CALY: variants seen among roughly 807,000 people sequenced by gnomAD.
CALY encodes neuron-specific vesicular protein calcyon.
A neutral mutation model predicts 20.2 loss-of-function variants in CALY; 15 were observed. The observed-to-expected ratio is 0.74, with a 90% CI of 0.50 to 1.14. The LOEUF is 1.14. CALY is among the 50% of genes most tolerant of loss of function. The pLI, the probability that CALY is intolerant of heterozygous loss-of-function variation, is 0.00. For missense variants in CALY, 270 were observed against 304.4 expected (o/e 0.89, Z 0.84); for synonymous variants, 129 against 131.8 (o/e 0.98, Z 0.15).
intron 1 of CALY, among the ~76,000 whole-genome samples, chr10:133,334,525 C>CGGGGAAGGCTCTGAGG (rs1477362361): frequency 2.5e-5 from 1 of 40,420 alleles, no homozygotes; most frequent in African/African-American, 1.1e-4. Flanking sequence ...AGGATCTGAG[C>CGGGGAAGGCTCTGAGG]GGGGAAGGCT....
At chr10:133,328,088 A>G in intron 2 of CALY, 73 bp from the exon 3 acceptor site, 3 of 907,114 alleles carry the variant, frequency 3.3e-6, no homozygotes, top group Non-Finnish European at 3.5e-6. Context: ...CTGAGAGGGG[A>G]GGGAGCCAGC....
chr10:133,327,897 G>A lies in CALY; in HGVS notation c.246+8C>T. 2 of 1,586,062 alleles carry A rather than the reference G, an allele frequency of 1.3e-6. No individual in the cohort carries two copies. The highest frequency in any genetic ancestry group is 8.7e-7 in the Non-Finnish European group (1 of 1,156,044). ...AGTCCCCACAGTGGGTGGGGTGGGT[G>A]TGGTTACCCTGCGCCCTTCCTCTGG... is the stretch of plus-strand genomic sequence containing the variant. On this transcript the variant is annotated splice_region_variant and intron_variant, in intron 3 of 5. Transcript: ENST00000252939.
intron 4 of CALY, 72 bp from the exon 5 acceptor site, chr10:133,326,192 T>C: frequency 1.3e-6 from 2 of 1,559,382 alleles, no homozygotes; most frequent in Non-Finnish European, 1.7e-6. Flanking sequence ...GCCCTCCCGC[T>C]TCTGCGGTTG....
At chr10:133,336,510 A>C (rs1047742356) in intron 1 of CALY, among the ~76,000 whole-genome samples, 4 of 151,552 alleles carry the variant, frequency 2.6e-5, no homozygotes, top group Non-Finnish European at 4.4e-5. Flanking sequence ...GACACCCTTA[A>C]CTCCAGGCTG....
chr10:133,326,198 G>A, intron 4 of CALY, 78 bp from the exon 5 acceptor site: 3 of 1,556,906 alleles, frequency 1.9e-6, no homozygotes, highest in Non-Finnish European at 2.6e-6. Flanking sequence ...CCGCTTCTGC[G>A]GTTGGGGACA....
intron 1 of CALY, among the ~76,000 whole-genome samples, chr10:133,332,131 A>G (rs1289674331): frequency 4.7e-3 from 2 of 424 alleles, no homozygotes; most frequent in South Asian, 0.17. Flanking sequence ...CCGTCTGGGA[A>G]AAAAAAAAAA....
At position 133,326,137 on chromosome 10, in the gene CALY, G is replaced by C; in HGVS notation, c.361-17C>G. 6.3e-7 allele frequency: 1 copy of C among 1,593,720 alleles called. No individual in the cohort carries two copies. The highest frequency in any genetic ancestry group is 8.6e-7 in the Non-Finnish European group (1 of 1,167,898). On this transcript the variant is annotated splice_polypyrimidine_tract_variant and intron_variant, in intron 4 of 5. Coordinates refer to ENST00000252939, the MANE Select transcript of CALY (RefSeq NM_015722.4). ...GATCTTGTGCTGCGGGAGGGGCCGGGTCAGGGTCGGTGGGGCTGAGCCCTC... is the reference window on the plus strand; with the variant it reads ...GATCTTGTGCTGCGGGAGGGGCCGGCTCAGGGTCGGTGGGGCTGAGCCCTC...
In CALY at chr10:133,326,263, A is replaced by G. The variant is rs926657078; in HGVS notation, c.361-143T>C. ...TTCAGGACACCGAAGATCAGCCTCC[A>G]GTTCAGAACTCAGGGCCCTGGAGGG... On this transcript the variant is annotated intron_variant, in intron 4 of 5. Transcript: ENST00000252939. The G allele has an allele frequency of 3.2e-6, 5 of 1,550,416 alleles. No individual in the cohort carries two copies. The African/African-American group carries it at 4.1e-5, about 13-fold the overall frequency.
Position 133,336,853 on chromosome 10 carries a change from T to C in CALY, c.-40A>G, listed in dbSNP as rs1848456133. Reference sequence around the variant, plus strand: ...GCTCACAGGCGGCTCCACTGGCAGCTGCTGCAGGACGCGGTCGGGGAGGAC... The same window carrying C: ...GCTCACAGGCGGCTCCACTGGCAGCCGCTGCAGGACGCGGTCGGGGAGGAC... On this transcript the variant is annotated 5_prime_UTR_variant, in exon 1 of 6. Coordinates refer to ENST00000252939, the MANE Select transcript of CALY (RefSeq NM_015722.4). The C allele has an allele frequency of 1.3e-5, 2 of 152,316 alleles. No homozygotes were observed. Among genetic ancestry groups the C allele is most frequent in the African/African-American group, 2.4e-5 (1 of 41,436 alleles). 9.4% of individuals were successfully genotyped at this position (152,316 alleles called of 1,614,324 possible).
chr10:133,329,086 G>A (rs1434608595), intron 1 of CALY, 77 bp from the exon 2 acceptor site: 1 of 1,300,902 alleles, frequency 7.7e-7, no homozygotes, highest in South Asian at 1.5e-5. Context: ...GAAGCCAGAG[G>A]ACCCTGAGCT....
rs1449384279 is a variant in CALY at position 133,328,033 on chromosome 10, C to T, written c.136-18G>A. On this transcript the variant is annotated intron_variant, in intron 2 of 5. Transcript: ENST00000252939. ...ATGACCACCTGTGAAAAGAGATGGCCATGGCCTCAGTAGGCAGCTGGCAGG... is the reference window on the plus strand; with the variant it reads ...ATGACCACCTGTGAAAAGAGATGGCTATGGCCTCAGTAGGCAGCTGGCAGG... The T allele has an allele frequency of 1.3e-6, 2 of 1,526,048 alleles. No individual in the cohort carries two copies. Among genetic ancestry groups the T allele is most frequent in the South Asian group, 2.3e-5 (2 of 87,096 alleles). The allele number at this position is 1,526,048 out of a possible 1,614,324, so 94.5% of individuals were successfully genotyped here.
At chr10:133,335,192 C>T (rs1252959123) in intron 1 of CALY, among the ~76,000 whole-genome samples, 1 of 151,562 alleles carries the variant, frequency 6.6e-6, no homozygotes, top group Admixed American at 6.6e-5. Flanking sequence ...GTGGGGGTGC[C>T]GCTGAGGAGG....
Position 133,329,011 on chromosome 10 carries a change from T to C in CALY, c.-20-2A>G. ...CCATGGTGGATGGCAGTCCTTGTCC[T>C]GTCCAAAGACAGACAGAGTCACTGC... On this transcript the variant is annotated splice_acceptor_variant, in intron 1 of 5. Transcript: ENST00000252939. LOFTEE classifies it low-confidence loss of function (5UTR_SPLICE). 1 of 1,545,818 alleles carries C rather than the reference T, an allele frequency of 6.5e-7. No individual in the cohort carries two copies. Among genetic ancestry groups the C allele is most frequent in the Non-Finnish European group, 8.7e-7 (1 of 1,145,150 alleles).
At position 133,328,928 on chromosome 10, in the gene CALY, C is replaced by G; in HGVS notation, c.62G>C (p.Gly21Ala). The G allele has an allele frequency of 6.4e-7, 1 of 1,559,004 alleles. No individual in the cohort carries two copies. Among genetic ancestry groups the G allele is most frequent in the Non-Finnish European group, 8.7e-7 (1 of 1,150,984 alleles). Reference sequence around the variant, plus strand: ...CAGAGGCACACTGTCCATGGCAGCCCCATCCTGGTCCCCAGGGTCTTTACC... The same window carrying G: ...CAGAGGCACACTGTCCATGGCAGCCGCATCCTGGTCCCCAGGGTCTTTACC... ...KPGKDPGDQD[G>A]AAMDSVPLIS... is the part of the protein sequence containing the mutation. The change falls in exon 2 of 6, where the codon GGG becomes GCG. Residue 21 changes from glycine (G) to alanine (A), a missense_variant. Gly to Ala is a moderately conservative substitution (Grantham distance 60, BLOSUM62 0). Transcript: ENST00000252939.
rs1589852860 is a variant in CALY, at chr10:133,329,043, G to T, written c.-20-34C>A. 3.4e-6 allele frequency: 5 copies of T among 1,491,382 alleles called. No individual in the cohort carries two copies. The East Asian group carries it at 1.2e-4, about 37-fold the overall frequency. 92.4% of individuals were successfully genotyped at this position (1,491,382 alleles called of 1,614,324 possible). A position where few individuals can be genotyped will look rare whatever the true frequency, so the allele number is the denominator to read the frequency against. On this transcript the variant is annotated intron_variant, in intron 1 of 5. Transcript: ENST00000252939. Reference sequence around the variant, plus strand: ...AGACAGACAGAGTCACTGCCCACAGGCTGCCCCCTGGATGCCCACGCCAGC... The same window carrying T: ...AGACAGACAGAGTCACTGCCCACAGTCTGCCCCCTGGATGCCCACGCCAGC...
In CALY at chr10:133,336,216, G is replaced by A. The variant is rs868248981; in HGVS notation, c.-21+618C>T. Among the ~76,000 whole-genome samples the A allele has an allele frequency of 1.3e-4, 20 of 152,244 alleles. 1 individual carries two copies. Among genetic ancestry groups the A allele is most frequent in the Admixed American group, 9.1e-4 (14 of 15,306 alleles). ...TGCGGGGTCGGCGCAGCCCCTCGGA[G>A]GGGAGTGGGCGCGCAGCTGCTCCCG... On this transcript the variant is annotated intron_variant, in intron 1 of 5. Coordinates refer to ENST00000252939, the MANE Select transcript of CALY (RefSeq NM_015722.4).
intron 5 of CALY, 24 bp downstream of exon 5, chr10:133,325,775 C>A: frequency 1.9e-6 from 2 of 1,068,026 alleles, no homozygotes; most frequent in Non-Finnish European, 1.2e-6. Flanking sequence ...CAGAGCCGGC[C>A]GGAGCCCCGC....
intron 1 of CALY, among the ~76,000 whole-genome samples, chr10:133,333,362 G>C (rs1402511513): frequency 2.1e-5 from 3 of 143,188 alleles, no homozygotes; most frequent in African/African-American, 7.8e-5. Context: ...AGGATTGCGC[G>C]GGTGGGGGTG....
chr10:133,335,179 G>A (rs1848417166), intron 1 of CALY, among the ~76,000 whole-genome samples: 1 of 152,140 alleles, frequency 6.6e-6, no homozygotes, highest in Admixed American at 6.5e-5. Flanking sequence ...TTGGCCCGCG[G>A]GGGTGGGGGT....
Sources: gnomAD v4.1 joint callset for allele counts (sites outside exome capture counted in the v4.1 genomes callset) on GRCh38, gnomAD v4.1.1 for gene constraint, MANE v1.5 for transcripts, NCBI Gene and HGNC (gene_info 2026-07-23, HGNC 2026-07-21) for gene names.